Variants in AXIN1 observed in about 807,000 individuals in gnomAD.
AXIN1 encodes axin 1, also known as axin-1.
Under a neutral mutation model 76.4 loss-of-function variants are expected in AXIN1, and 30 were observed. The observed-to-expected ratio is 0.39, with a 90% CI of 0.29 to 0.53. AXIN1 has a LOEUF of 0.53. Ranked by LOEUF, AXIN1 falls within the 20% of genes least tolerant of loss-of-function variation. The probability of loss-of-function intolerance (pLI) is 0.66; values close to 1 mark genes in which losing one functional copy is unlikely to be tolerated. For synonymous variants in AXIN1, 545 were observed against 501.4 expected, an observed-to-expected ratio of 1.09 and a Z score of -1.16; for missense variants, 1,140 against 1,198.8, an observed-to-expected ratio of 0.95 and a Z score of 0.72.
chr16:332,249 G>A (rs546652881), intron 2 of AXIN1, among the ~76,000 whole-genome samples: 1 of 152,178 alleles, frequency 6.6e-6, no homozygotes, highest in Admixed American at 6.5e-5. Context: ...ACAATCACAA[G>A]TAAAGCATAT....
intron 1 of AXIN1, among the ~76,000 whole-genome samples, chr16:350,553 G>A (rs577526435): frequency 6.6e-6 from 1 of 151,340 alleles, no homozygotes; most frequent in East Asian, 2.0e-4. Context: ...TTACCCAAAC[G>A]TAACTTTTGA....
chr16:326,348 C>A (rs2053578235), intron 2 of AXIN1, among the ~76,000 whole-genome samples: 1 of 84,030 alleles, frequency 1.2e-5, no homozygotes, highest in South Asian at 3.7e-4. Flanking sequence ...GAGCAAAACT[C>A]CGTCTCAAAA....
At chr16:351,495 A>C (rs987309106) in intron 1 of AXIN1, among the ~76,000 whole-genome samples, 7 of 152,144 alleles carry the variant, frequency 4.6e-5, no homozygotes, top group African/African-American at 1.7e-4. Flanking sequence ...CTGTTATCCC[A>C]GCTACTCAGG....
chr16:305,824 G>A (rs868841454), intron 4 of AXIN1, among the ~76,000 whole-genome samples: 3 of 152,092 alleles, frequency 2.0e-5, no homozygotes, highest in Non-Finnish European at 4.4e-5. Flanking sequence ...GATTACAGGC[G>A]TGAGCCACTG....
chr16:309,988 G>T lies in AXIN1; in HGVS notation c.1101C>A (p.Pro367=), dbSNP rs2141572811. The change falls in exon 4 of 11, where the codon CCC becomes CCA. Residue 367 remains proline, a synonymous_variant. Transcript: ENST00000262320. The part of the protein sequence containing the change: ...QESVQVNGRV[P]LPHIPRTYRV... ...CGGTACTTACGGGAATGTGAGGTAG[G>T]GGCACCCGCCCATTGACCTGCACGC... 1 of 1,613,484 alleles carries T rather than the reference G, an allele frequency of 6.2e-7. No individual in the cohort carries two copies. Among genetic ancestry groups the T allele is most frequent in the South Asian group, 1.1e-5 (1 of 91,040 alleles).
intron 2 of AXIN1, among the ~76,000 whole-genome samples, chr16:327,651 C>T (rs2053612139): frequency 6.6e-6 from 1 of 152,258 alleles, no homozygotes; most frequent in African/African-American, 2.4e-5. Flanking sequence ...CACCTGCCAT[C>T]CCGGGAGTCC....
At chr16:297,686 C>G in intron 6 of AXIN1, 36 bp downstream of exon 6, 1 of 1,567,878 alleles carries the variant, frequency 6.4e-7, no homozygotes, top group Non-Finnish European at 8.6e-7. Context: ...ACAGCCTCAC[C>G]CCAAGCCCCC....
chr16:317,950 A>G (rs2053340754), intron 2 of AXIN1, among the ~76,000 whole-genome samples: 1 of 152,248 alleles, frequency 6.6e-6, no homozygotes, highest in Admixed American at 6.5e-5. Context: ...TGGAAGAGAG[A>G]AGGCCACTGC....
intron 9 of AXIN1, chr16:290,084 G>A: frequency 8.6e-6 from 2 of 232,868 alleles, no homozygotes; most frequent in South Asian, 1.2e-4. Context: ...CTTCAGAGGG[G>A]GCAGGGCTGG....
chr16:301,855 C>T (rs1317656607), intron 5 of AXIN1, among the ~76,000 whole-genome samples: 3 of 152,206 alleles, frequency 2.0e-5, no homozygotes, highest in Non-Finnish European at 4.4e-5. Context: ...ACAGCAAAGG[C>T]TTCCTTTCTT....
chr16:289,927 C>T, intron 9 of AXIN1: 1 of 491,990 alleles, frequency 2.0e-6, no homozygotes, highest in Non-Finnish European at 3.7e-6. Context: ...CTGCAGGGCT[C>T]CTATCTCAGG....
intron 5 of AXIN1, chr16:299,075 T>C (rs2141520943): frequency 1.0e-6 from 1 of 985,442 alleles, no homozygotes; most frequent in Non-Finnish European, 1.2e-6. Context: ...CCTCCCATTA[T>C]ATTTTAAGGA....
chr16:316,423 C>A lies in AXIN1; in HGVS notation c.879-1740G>T, dbSNP rs79801540. The stretch of plus-strand genomic sequence containing the variant: ...GTCAAAGGCATGTGCCCCTTCCGGG[C>A]GCTCTGCTGTGCTGCCAACCAACTG... On this transcript the variant is annotated intron_variant, in intron 2 of 10. Transcript: ENST00000262320. 3.9e-5 allele frequency among the ~76,000 whole-genome samples: 6 copies of A among 152,336 alleles called. No individual in the cohort carries two copies. In the East Asian group the frequency reaches 9.6e-4, roughly 24 times the overall value.
intron 1 of AXIN1, among the ~76,000 whole-genome samples, chr16:348,804 TA>T (rs890543836): frequency 1.3e-4 from 18 of 143,120 alleles, no homozygotes; most frequent in Non-Finnish European, 1.4e-4. Flanking sequence ...ATCCTGTCTC[TA>T]AAAAAAAAAT....
intron 10 of AXIN1, 101 bp from the exon 11 acceptor site, chr16:288,349 C>T: frequency 6.4e-7 from 1 of 1,568,966 alleles, no homozygotes; most frequent in South Asian, 1.1e-5. Context: ...CCCGAGGAGC[C>T]TCCTGTCCAT....
Position 297,360 on chromosome 16 carries a change from T to C in AXIN1, c.1785-134A>G, listed in dbSNP as rs1354291029. 2.5e-6 allele frequency: 3 copies of C among 1,190,660 alleles called. No homozygotes were observed. The African/African-American group carries it at 4.5e-5, about 18-fold the overall frequency. 73.8% of individuals were successfully genotyped at this position (1,190,660 alleles called of 1,614,324 possible). A position where few individuals can be genotyped will look rare whatever the true frequency, so the allele number is the denominator to read the frequency against. ...CCGCCGCCCGCTGTCCCCTGCCCGC[T>C]TGTCCCCCACCCGCTGTCCCCCGCC... is the stretch of plus-strand genomic sequence containing the variant. On this transcript the variant is annotated intron_variant, in intron 6 of 10. Transcript: ENST00000262320.
intron 5 of AXIN1, among the ~76,000 whole-genome samples, chr16:302,994 T>TG (rs2052914645): frequency 6.6e-6 from 1 of 152,156 alleles, no homozygotes; most frequent in South Asian, 2.1e-4. Context: ...CCTGAATACC[T>TG]GGGACCACAG....
intron 2 of AXIN1, among the ~76,000 whole-genome samples, chr16:318,407 A>T (rs1366487914): frequency 6.6e-6 from 1 of 152,114 alleles, no homozygotes; most frequent in East Asian, 1.9e-4. Context: ...AGAAAAGAAA[A>T]GGAAGAAGGG....
chr16:304,162 CAG>C (rs1354524347), intron 5 of AXIN1, 140 bp downstream of exon 5: 1 of 1,402,624 alleles, frequency 7.1e-7, no homozygotes, highest in Non-Finnish European at 9.8e-7. Flanking sequence ...GAAAGGGGAA[CAG>C]GGGACTCAGC....
Sources: gnomAD v4.1 joint callset for allele counts (sites outside exome capture counted in the v4.1 genomes callset) on GRCh38, gnomAD v4.1.1 for gene constraint, MANE v1.5 for transcripts, NCBI Gene and HGNC (gene_info 2026-07-23, HGNC 2026-07-21) for gene names.